NRXN3: variants seen among roughly 807,000 people sequenced by gnomAD.
The protein encoded by NRXN3 is neurexin 3, also known as neurexin III.
A neutral mutation model predicts 137.6 loss-of-function variants in NRXN3; 32 were observed. That is an observed-to-expected ratio of 0.23 (90% CI 0.18 to 0.31). The LOEUF is 0.31. Ranked by LOEUF, NRXN3 falls within the 10% of genes least tolerant of loss-of-function variation. NRXN3 has a pLI of 1.00. For missense variants in NRXN3, 1,574 were observed against 2,062.5 expected, an observed-to-expected ratio of 0.76 and a Z score of 4.59; for synonymous variants, 798 against 784.5, an observed-to-expected ratio of 1.02 and a Z score of -0.29.
chr14:79,534,480 C>T (rs1487622919), intron 16 of NRXN3, among the ~76,000 whole-genome samples: 2 of 152,122 alleles, frequency 1.3e-5, no homozygotes, highest in Non-Finnish European at 2.9e-5. Context: ...AATGTTCGAA[C>T]ATAGCCTCTC....
At chr14:78,213,489 C>T (rs994214279) in intron 1 of NRXN3, among the ~76,000 whole-genome samples, 1 of 152,120 alleles carries the variant, frequency 6.6e-6, no homozygotes, top group Non-Finnish European at 1.5e-5. Flanking sequence ...GAAGAGCCTC[C>T]TCTGCAGCCC....
At chr14:79,707,390 G>C (rs1036718773) in intron 19 of NRXN3, among the ~76,000 whole-genome samples, 1 of 152,154 alleles carries the variant, frequency 6.6e-6, no homozygotes, top group Non-Finnish European at 1.5e-5. Flanking sequence ...ATTGAAGCAG[G>C]CATCAGGAGA....
At chr14:78,577,420 A>G (rs1022723838) in intron 4 of NRXN3, among the ~76,000 whole-genome samples, 4 of 152,236 alleles carry the variant, frequency 2.6e-5, no homozygotes, top group African/African-American at 4.8e-5. Flanking sequence ...GTTGAAAGGC[A>G]TTGCCATTGT....
intron 4 of NRXN3, among the ~76,000 whole-genome samples, chr14:78,318,107 A>G (rs1052044646): frequency 2.6e-5 from 4 of 152,218 alleles, no homozygotes; most frequent in Non-Finnish European, 5.9e-5. Context: ...TTTCATCCTT[A>G]CTATCTGGCT....
At chr14:78,381,909 T>C (rs1003637002) in intron 4 of NRXN3, among the ~76,000 whole-genome samples, 26 of 152,322 alleles carry the variant, frequency 1.7e-4, no homozygotes, top group African/African-American at 5.8e-4. Context: ...AACAGGTTAG[T>C]GGTTTCCACT....
intron 15 of NRXN3, among the ~76,000 whole-genome samples, chr14:79,356,406 G>A (rs1599086750): frequency 6.6e-6 from 1 of 152,096 alleles, no homozygotes; most frequent in Non-Finnish European, 1.5e-5. Context: ...TTCCTGGAAT[G>A]CACAACTTTC....
intron 15 of NRXN3, among the ~76,000 whole-genome samples, chr14:79,004,140 C>T (rs746664701): frequency 2.6e-5 from 4 of 152,108 alleles, no homozygotes; most frequent in Non-Finnish European, 5.9e-5. Flanking sequence ...AACTGATTGC[C>T]AAGGGTCCTC....
chr14:78,642,026 T>C (rs1199461455), intron 4 of NRXN3, among the ~76,000 whole-genome samples: 1 of 152,202 alleles, frequency 6.6e-6, no homozygotes, highest in Non-Finnish European at 1.5e-5. Flanking sequence ...GAGTGATTCA[T>C]GTAAGGTGAG....
At chr14:79,520,439 T>G (rs1006892365) in intron 16 of NRXN3, among the ~76,000 whole-genome samples, 3 of 152,116 alleles carry the variant, frequency 2.0e-5, no homozygotes, top group Non-Finnish European at 4.4e-5. Flanking sequence ...ATGCTGTCCC[T>G]CCCCTAGCCC....
chr14:79,597,244 A>C, intron 16 of NRXN3, among the ~76,000 whole-genome samples: 1 of 152,240 alleles, frequency 6.6e-6, no homozygotes, highest in African/African-American at 2.4e-5. Flanking sequence ...CAGAAAAATT[A>C]TTTTTCAGCC....
At chr14:78,573,413 G>A (rs1459707623) in intron 4 of NRXN3, among the ~76,000 whole-genome samples, 2 of 152,210 alleles carry the variant, frequency 1.3e-5, no homozygotes, top group African/African-American at 4.8e-5. Flanking sequence ...CTAGAGTCTT[G>A]TTGAATGGCT....
At chr14:79,657,941 C>T (rs1421911644) in intron 16 of NRXN3, among the ~76,000 whole-genome samples, 1 of 152,110 alleles carries the variant, frequency 6.6e-6, no homozygotes, top group African/African-American at 2.4e-5. Flanking sequence ...AAATCACAAC[C>T]ACACATTCTA....
chr14:79,161,585 G>A (rs542799326), intron 15 of NRXN3, among the ~76,000 whole-genome samples: 9 of 152,052 alleles, frequency 5.9e-5, no homozygotes, highest in South Asian at 2.1e-4. Flanking sequence ...ATGCTAAAGC[G>A]TGTTCAGTAT....
intron 15 of NRXN3, among the ~76,000 whole-genome samples, chr14:79,349,588 AGAC>A (rs1282182442): frequency 7.2e-6 from 1 of 138,550 alleles, no homozygotes; most frequent in Admixed American, 7.4e-5. Flanking sequence ...ACACACACAC[AGAC>A]AATATTATAC....
At position 78,942,656 on chromosome 14, in the gene NRXN3, T is replaced by C. The variant is rs192543193; in HGVS notation, c.2276-14586T>C. ...AAATGGGAGACACAGAGAGATTTGA[T>C]AAAAGACACAAAATTACAGCTAGAT... On this transcript the variant is annotated intron_variant, in intron 10 of 20. Coordinates refer to ENST00000335750, the MANE Select transcript of NRXN3 (RefSeq NM_001330195.2). Among the ~76,000 whole-genome samples the C allele has an allele frequency of 2.0e-4, 30 of 152,058 alleles. 1 individual carries two copies. The South Asian group carries it at 2.1e-3, about 11-fold the overall frequency.
intron 15 of NRXN3, among the ~76,000 whole-genome samples, chr14:79,087,769 G>C (rs561362861): frequency 6.6e-6 from 1 of 152,050 alleles, no homozygotes; most frequent in Non-Finnish European, 1.5e-5. Flanking sequence ...AGAAGCATAC[G>C]CACAACTCTT....
chr14:79,516,352 C>CT (rs1202173988), intron 16 of NRXN3, among the ~76,000 whole-genome samples: 1 of 152,114 alleles, frequency 6.6e-6, no homozygotes, highest in Non-Finnish European at 1.5e-5. Context: ...GGGGCAGACA[C>CT]TGGACTCAGA....
intron 6 of NRXN3, among the ~76,000 whole-genome samples, chr14:78,665,280 T>C (rs565316947): frequency 6.6e-6 from 1 of 152,156 alleles, no homozygotes; most frequent in South Asian, 2.1e-4. Flanking sequence ...TGACTCACAA[T>C]TCAGCATGGC....
At chr14:79,055,172 A>C (rs1014405441) in intron 15 of NRXN3, among the ~76,000 whole-genome samples, 2 of 152,174 alleles carry the variant, frequency 1.3e-5, no homozygotes, top group Admixed American at 1.3e-4. Context: ...TCGGAACTTC[A>C]TGACTTTTTC....
Sources: gnomAD v4.1 joint callset for allele counts (sites outside exome capture counted in the v4.1 genomes callset) on GRCh38, gnomAD v4.1.1 for gene constraint, MANE v1.5 for transcripts, NCBI Gene and HGNC (gene_info 2026-07-23, HGNC 2026-07-21) for gene names.